Variants in XYLT1 observed in about 807,000 individuals in gnomAD.
The protein encoded by XYLT1 is xylosyltransferase 1, also known as beta-D-xylosyltransferase 1.
In XYLT1, 36 loss-of-function variants were observed where a neutral mutation model predicts 91.3. That is an observed-to-expected ratio of 0.39 (90% CI 0.30 to 0.52). The LOEUF is 0.52. Ranked by LOEUF, XYLT1 falls within the 20% of genes least tolerant of loss-of-function variation. The probability of loss-of-function intolerance (pLI) is 0.68; values close to 1 mark genes in which losing one functional copy is unlikely to be tolerated. For synonymous variants in XYLT1, 588 were observed against 532.0 expected, an observed-to-expected ratio of 1.11 and a Z score of -1.45; for missense variants, 1,242 against 1,284.5, an observed-to-expected ratio of 0.97 and a Z score of 0.51.
intron 1 of XYLT1, among the ~76,000 whole-genome samples, chr16:17,452,763 T>C (rs1242491327): frequency 6.6e-6 from 1 of 152,204 alleles, no homozygotes; most frequent in Admixed American, 6.5e-5. Context: ...TTGAAATCTA[T>C]TAAGATTCTT....
intron 1 of XYLT1, among the ~76,000 whole-genome samples, chr16:17,456,749 G>A (rs1466149509): frequency 6.6e-6 from 1 of 152,136 alleles, no homozygotes; most frequent in African/African-American, 2.4e-5. Flanking sequence ...CCTGAGTCAC[G>A]CTGGCTGAGT....
chr16:17,187,599 A>C (rs1432905799), intron 5 of XYLT1, among the ~76,000 whole-genome samples: 3 of 148,852 alleles, frequency 2.0e-5, no homozygotes, highest in Non-Finnish European at 4.5e-5. Context: ...GAAAGATTAA[A>C]AAGGTCAATT....
chr16:17,368,239 A>G (rs757656792), intron 1 of XYLT1, among the ~76,000 whole-genome samples: 6 of 152,144 alleles, frequency 3.9e-5, no homozygotes, highest in Non-Finnish European at 5.9e-5. Context: ...CAGAAGAGAG[A>G]CGATGAGAAC....
chr16:17,247,242 C>A (rs1244728711), intron 3 of XYLT1, among the ~76,000 whole-genome samples: 10 of 149,036 alleles, frequency 6.7e-5, no homozygotes, highest in African/African-American at 2.4e-4. Context: ...TCTTGGGGAC[C>A]CTGGGTGGCA....
At chr16:17,143,422 A>G (rs28690029) in intron 6 of XYLT1, among the ~76,000 whole-genome samples, 10,568 of 152,184 alleles carry the variant, frequency 0.069, 1,247 homozygotes, top group African/African-American at 0.24. Context: ...GGGAGCTTAC[A>G]GTCTAGAGTT....
At chr16:17,202,406 C>T (rs1488805059) in intron 3 of XYLT1, among the ~76,000 whole-genome samples, 2 of 152,218 alleles carry the variant, frequency 1.3e-5, no homozygotes, top group African/African-American at 4.8e-5. Context: ...AATCACACTA[C>T]ACAGCCTCTA....
intron 2 of XYLT1, among the ~76,000 whole-genome samples, chr16:17,300,796 T>C (rs1192314052): frequency 1.3e-5 from 2 of 151,990 alleles, no homozygotes; most frequent in South Asian, 2.1e-4. Flanking sequence ...CCATGATATA[T>C]ATACTGAACC....
rs768579739 is a variant in XYLT1, at chr16:17,259,283, A to T, written c.618T>A (p.His206Gln). Residue 206 changes from histidine to glutamine, a missense_variant, in exon 3 of 12, where the codon CAT becomes CAA. Physicochemically the swap from His to Gln is conservative, Grantham distance 24. Around this residue, in one of 3 missense-constraint regions of XYLT1, gnomAD observed 437 missense variants for 411.5 expected, o/e 1.06. Coordinates refer to ENST00000261381, the MANE Select transcript of XYLT1 (RefSeq NM_022166.4). ...CACCGGGGCCTTTCCCAGGGAATGT[A>T]TGTCCTTTTCCTTTCTCCTGCTGTT... The part of the protein sequence containing the change: ...KLEQQEKGKG[H>Q]TFPGKGPGEV... 1.2e-6 allele frequency: 2 copies of T among 1,613,912 alleles called. No individual in the cohort carries two copies. Among genetic ancestry groups the T allele is most frequent in the Non-Finnish European group, 1.7e-6 (2 of 1,179,984 alleles).
At position 17,104,802 on chromosome 16, in the gene XYLT1, A is replaced by C. The variant is rs1597121803; in HGVS notation, c.*3893T>G. On this transcript the variant is annotated 3_prime_UTR_variant, in exon 12 of 12. Transcript: ENST00000261381. ...GGTTGGGGCTGAGTAGCAGCTGCTC[A>C]TTCTGGGTAGGTCACGTGCATGCCA... 6.6e-6 allele frequency: 1 copy of C among 152,302 alleles called. No individual in the cohort carries two copies. The highest frequency in any genetic ancestry group is 2.4e-5 in the African/African-American group (1 of 41,558). 9.4% of individuals were successfully genotyped at this position (152,302 alleles called of 1,614,324 possible). A position where few individuals can be genotyped will look rare whatever the true frequency, so the allele number is the denominator to read the frequency against.
chr16:17,332,139 A>G (rs576399212), intron 2 of XYLT1, among the ~76,000 whole-genome samples: 1 of 152,346 alleles, frequency 6.6e-6, no homozygotes, highest in East Asian at 1.9e-4. Context: ...CATGGTGCAC[A>G]GCACCTGCTT....
At chr16:17,242,179 C>T (rs942711757) in intron 3 of XYLT1, among the ~76,000 whole-genome samples, 2 of 152,218 alleles carry the variant, frequency 1.3e-5, no homozygotes, top group Non-Finnish European at 2.9e-5. Flanking sequence ...GGTGGGGACA[C>T]AGCCAAACCA....
chr16:17,334,610 A>G (rs181820482), intron 2 of XYLT1, among the ~76,000 whole-genome samples: 168 of 152,348 alleles, frequency 1.1e-3, no homozygotes, highest in African/African-American at 3.8e-3. Context: ...TAGTGCCTAC[A>G]AAGTCCCTCC....
At chr16:17,423,680 G>T (rs908905450) in intron 1 of XYLT1, among the ~76,000 whole-genome samples, 2 of 151,804 alleles carry the variant, frequency 1.3e-5, no homozygotes, top group African/African-American at 2.4e-5. Flanking sequence ...TGCAATCTCA[G>T]TCTTAGCTCA....
chr16:17,158,757 C>T (rs1486957131), intron 6 of XYLT1, 72 bp downstream of exon 6: 1 of 1,546,816 alleles, frequency 6.5e-7, no homozygotes. Flanking sequence ...TGAAACCAGC[C>T]TAGAAAATTC....
chr16:17,341,597 C>G (rs1490091763), intron 2 of XYLT1, among the ~76,000 whole-genome samples: 1 of 151,926 alleles, frequency 6.6e-6, no homozygotes, highest in Non-Finnish European at 1.5e-5. Flanking sequence ...TTTTAAATGG[C>G]AAAAACTTCA....
intron 5 of XYLT1, among the ~76,000 whole-genome samples, chr16:17,176,995 G>A (rs980102665): frequency 5.9e-5 from 9 of 152,078 alleles, no homozygotes; most frequent in Admixed American, 1.3e-4. Context: ...GGTCCCACAC[G>A]GTCTGGCCCC....
rs542150617 is a variant in XYLT1, at chr16:17,209,996, G to C, written c.914-9342C>G. On this transcript the variant is annotated intron_variant, in intron 3 of 11. Transcript: ENST00000261381. The stretch of plus-strand genomic sequence containing the variant: ...CTGCAGTCTCAAACTCCAGGCTCAA[G>C]AGATCCTCCTACCTTAGCCTGCTGA... 2.0e-5 allele frequency among the ~76,000 whole-genome samples: 3 copies of C among 152,250 alleles called. No homozygotes were observed. The East Asian group carries it at 5.8e-4, about 29-fold the overall frequency.
Position 17,312,967 on chromosome 16 carries a change from GA to G in XYLT1, c.402+45044del, listed in dbSNP as rs1181102807. On this transcript the variant is annotated intron_variant, in intron 2 of 11. Transcript: ENST00000261381. The surrounding 1 kb of genome is among the most constrained non-coding windows in gnomAD (Gnocchi z 4.4). ...CATCCCAAAGAACCGGATCCTCTTG[GA>G]AAAGCTCCCCCTGGCCGGGGCTGAG... Among the ~76,000 whole-genome samples the G allele has an allele frequency of 6.6e-6, 1 of 152,214 alleles. No individual in the cohort carries two copies. Among genetic ancestry groups the G allele is most frequent in the Non-Finnish European group, 1.5e-5 (1 of 68,036 alleles).
At chr16:17,197,777 A>G (rs927737285) in intron 5 of XYLT1, among the ~76,000 whole-genome samples, 3 of 152,050 alleles carry the variant, frequency 2.0e-5, no homozygotes, top group African/African-American at 7.2e-5. Context: ...GGGCTTCCCT[A>G]CTTTTGAGGT....
Sources: gnomAD v4.1 joint callset for allele counts (sites outside exome capture counted in the v4.1 genomes callset) on GRCh38, gnomAD v4.1.1 for gene constraint, gnomAD v4.1.1 regional missense constraint, Gnocchi (gnomAD v3.1) non-coding constraint, MANE v1.5 for transcripts, NCBI Gene and HGNC (gene_info 2026-07-23, HGNC 2026-07-21) for gene names.